Variants in POLE2 observed in about 807,000 individuals in gnomAD.
POLE2 encodes the protein DNA polymerase epsilon 2, accessory subunit.
POLE2 carries 56 observed loss-of-function variants against 79.4 expected under a neutral mutation model. The ratio of observed to expected loss-of-function variants is 0.71; its 90% CI spans 0.57 to 0.88. The LOEUF is 0.88. Among genes scored for constraint, POLE2 ranks in the 40% least tolerant of loss-of-function variants. POLE2 has a pLI of 0.00. For synonymous variants in POLE2, 212 were observed against 214.0 expected, an observed-to-expected ratio of 0.99 and a Z score of 0.08; for missense variants, 598 against 638.9, an observed-to-expected ratio of 0.94 and a Z score of 0.69.
In POLE2 at chr14:49,654,678, A is replaced by G. The variant is rs1884519297; in HGVS notation, c.1073+106T>C. ...TAGTTCTTTTAATTTTCTCAACTTT[A>G]TCTTTCTTCCTTAGTTTTGTAATAA... is the stretch of plus-strand genomic sequence containing the variant. On this transcript the variant is annotated intron_variant, in intron 13 of 18. Coordinates refer to ENST00000216367, the MANE Select transcript of POLE2 (RefSeq NM_002692.4). 4.6e-6 allele frequency: 6 copies of G among 1,297,858 alleles called. 1 individual carries two copies. The highest frequency in any genetic ancestry group is 6.2e-6 in the Non-Finnish European group (6 of 967,570). The allele number at this position is 1,297,858 out of a possible 1,614,324, so 80.4% of individuals were successfully genotyped here.
chr14:49,687,256 A>G (rs376967388), intron 1 of POLE2, among the ~76,000 whole-genome samples: 8 of 149,516 alleles, frequency 5.4e-5, no homozygotes, highest in African/African-American at 2.0e-4. Flanking sequence ...GAGTGAGACC[A>G]TGACTCAAAA....
chr14:49,667,364 C>T (rs747919197), intron 6 of POLE2, among the ~76,000 whole-genome samples: 3 of 152,046 alleles, frequency 2.0e-5, no homozygotes, highest in Non-Finnish European at 2.9e-5. Flanking sequence ...TTATCTGAGA[C>T]ATCTTTCCAT....
At chr14:49,681,135 A>G (rs1487129895) in intron 2 of POLE2, among the ~76,000 whole-genome samples, 1 of 152,202 alleles carries the variant, frequency 6.6e-6, no homozygotes. Flanking sequence ...GTGGACAGTG[A>G]GCCATACCCA....
rs555628194 is a variant in POLE2, at chr14:49,683,527, T to C, written c.169+66A>G. 1.5e-4 allele frequency: 112 copies of C among 733,550 alleles called. No individual in the cohort carries two copies. In the African/African-American group the frequency reaches 1.8e-3, roughly 12 times the overall value. 45.4% of individuals were successfully genotyped at this position (733,550 alleles called of 1,614,324 possible). ...TGAAGCCTCAACTTCAATTTAAATCTATACATCTAACTGAAGATGCAGAAC... is the reference window on the plus strand; with the variant it reads ...TGAAGCCTCAACTTCAATTTAAATCCATACATCTAACTGAAGATGCAGAAC... On this transcript the variant is annotated intron_variant, in intron 2 of 18. Coordinates refer to ENST00000216367, the MANE Select transcript of POLE2 (RefSeq NM_002692.4).
rs1216284151 is a variant in POLE2, at chr14:49,678,328, G to A, written c.245+1397C>T. On this transcript the variant is annotated intron_variant, in intron 3 of 18. Transcript: ENST00000216367. ...TGCTTTTCTGCTTTCTTACCCCCAA[G>A]AGCAACACCTGGACAAGGGGCTTTA... is the stretch of plus-strand genomic sequence containing the variant. 3.9e-5 allele frequency among the ~76,000 whole-genome samples: 6 copies of A among 152,066 alleles called. No individual in the cohort carries two copies. In the East Asian group the frequency reaches 1.2e-3, roughly 30 times the overall value.
intron 16 of POLE2, 85 bp downstream of exon 16, chr14:49,651,184 C>A: frequency 4.7e-6 from 3 of 633,814 alleles, no homozygotes; most frequent in African/African-American, 1.8e-5. Flanking sequence ...ATGTCCTAAC[C>A]CAAGGACAAA....
intron 15 of POLE2, among the ~76,000 whole-genome samples, chr14:49,652,763 A>G (rs777319945): frequency 8.5e-5 from 13 of 152,188 alleles, no homozygotes; most frequent in Admixed American, 4.6e-4. Context: ...GGTAAGTTGT[A>G]TAATTGTTTT....
chr14:49,655,458 AACACACAC>A (rs35575577), intron 11 of POLE2, among the ~76,000 whole-genome samples: 6 of 143,394 alleles, frequency 4.2e-5, no homozygotes, highest in South Asian at 2.3e-4. Context: ...CATGACTATA[AACACACAC>A]ACACACACAC....
At chr14:49,651,912 G>C (rs189555355) in intron 15 of POLE2, among the ~76,000 whole-genome samples, 58 of 152,188 alleles carry the variant, frequency 3.8e-4, no homozygotes, top group African/African-American at 1.4e-3. Context: ...CCTCAGACTG[G>C]AGCTCGCCTG....
At chr14:49,650,727 G>A (rs1164014067) in intron 16 of POLE2, among the ~76,000 whole-genome samples, 1 of 152,128 alleles carries the variant, frequency 6.6e-6, no homozygotes, top group Non-Finnish European at 1.5e-5. Flanking sequence ...CACCCAAAGT[G>A]CTGGGATTAC....
chr14:49,644,177 C>T (rs879607028), intron 18 of POLE2, among the ~76,000 whole-genome samples: 7 of 149,940 alleles, frequency 4.7e-5, no homozygotes, highest in Non-Finnish European at 7.4e-5. Context: ...CCACCGCGCC[C>T]GGCCAACAAC....
At chr14:49,679,942 G>A (rs1393727403) in intron 2 of POLE2, 142 bp from the exon 3 acceptor site, 2 of 588,970 alleles carry the variant, frequency 3.4e-6, no homozygotes, top group African/African-American at 3.7e-5. Context: ...AAAAGTGTTA[G>A]GTCAGAACAA....
Position 49,655,002 on chromosome 14 carries a change from T to C in POLE2, c.1018+3A>G. 6.5e-7 allele frequency: 1 copy of C among 1,537,932 alleles called. No homozygotes were observed. Among genetic ancestry groups the C allele is most frequent in the Non-Finnish European group, 8.8e-7 (1 of 1,131,858 alleles). On this transcript the variant is annotated splice_donor_region_variant and intron_variant, in intron 12 of 18. Transcript: ENST00000216367. ...CACTTCTTATTAAATAGATCGTTAA[T>C]ACCTTTCAAAGCTTGAACTTGATTT...
At chr14:49,681,830 CA>C (rs967554855) in intron 2 of POLE2, 895 of 73,928 alleles carry the variant, frequency 0.012, 15 homozygotes, top group African/African-American at 0.035. Context: ...CCGCTCTCAC[CA>C]AAAAAAAAAA....
intron 2 of POLE2, 53 bp downstream of exon 2, chr14:49,683,540 G>T: frequency 1.3e-6 from 1 of 798,458 alleles, no homozygotes; most frequent in Non-Finnish European, 2.1e-6. Context: ...ACATCTAACT[G>T]AAGATGCAGA....
chr14:49,646,622 G>C (rs887688194), intron 18 of POLE2: 1 of 152,016 alleles, frequency 6.6e-6, no homozygotes, highest in African/African-American at 2.4e-5. Context: ...TGCCCTGCCT[G>C]GGCACTTGTT....
At chr14:49,664,815 G>A (rs1378185821) in intron 8 of POLE2, 141 bp from the exon 9 acceptor site, 8 of 630,218 alleles carry the variant, frequency 1.3e-5, no homozygotes, top group Non-Finnish European at 2.2e-5. Flanking sequence ...CTTAGAAAGA[G>A]CTTAAAAAAT....
intron 3 of POLE2, 24 bp from the exon 4 acceptor site, chr14:49,674,451 AGACC>A (rs757645076): frequency 3.8e-5 from 55 of 1,456,970 alleles, no homozygotes; most frequent in African/African-American, 8.4e-5. Context: ...CACAAAATAC[AGACC>A]TGATTTACTA....
intron 1 of POLE2, among the ~76,000 whole-genome samples, chr14:49,683,930 T>C (rs1886921201): frequency 6.6e-6 from 1 of 152,208 alleles, no homozygotes. Flanking sequence ...AGACCAGCTC[T>C]ACCTGCTGCA....
Sources: allele counts gnomAD v4.1 joint callset (sites outside exome capture counted in the v4.1 genomes callset), GRCh38; gene constraint gnomAD v4.1.1; transcripts MANE v1.5; gene names NCBI Gene and HGNC (gene_info 2026-07-23, HGNC 2026-07-21).